The following BCAS3 variants were observed in gnomAD, a reference collection of about 807,000 sequenced individuals.
BCAS3 encodes the protein BCAS3 microtubule associated cell migration factor, also known as BCAS4/BCAS3 fusion.
In BCAS3, 53 loss-of-function variants were observed where a neutral mutation model predicts 116.1. The ratio of observed to expected loss-of-function variants is 0.46; its 90% CI spans 0.37 to 0.57. The LOEUF (loss-of-function observed/expected upper bound fraction) is 0.57. BCAS3 is among the 20% of genes least tolerant of loss of function. The pLI, the probability that BCAS3 is intolerant of heterozygous loss-of-function variation, is 0.00. For missense variants in BCAS3, 917 were observed against 1,165.4 expected, an observed-to-expected ratio of 0.79 and a Z score of 3.10; for synonymous variants, 391 against 408.2, an observed-to-expected ratio of 0.96 and a Z score of 0.51.
At chr17:61,295,410 C>T (rs1201529047) in intron 22 of BCAS3, among the ~76,000 whole-genome samples, 1 of 152,224 alleles carries the variant, frequency 6.6e-6, no homozygotes, top group African/African-American at 2.4e-5. Flanking sequence ...CTGTCTCTGA[C>T]ACTAAATGCC....
At chr17:61,266,581 A>G (rs2049735290) in intron 22 of BCAS3, among the ~76,000 whole-genome samples, 1 of 152,186 alleles carries the variant, frequency 6.6e-6, no homozygotes, top group Non-Finnish European at 1.5e-5. Flanking sequence ...GAGGCTTAGG[A>G]AAATTTTCCT....
At position 61,156,397 on chromosome 17, in the gene BCAS3, G is replaced by A. The variant is rs1278579243; in HGVS notation, c.2425+71833G>A. On this transcript the variant is annotated intron_variant, in intron 22 of 23. Transcript: ENST00000407086. The surrounding 1 kb of genome is among the most constrained non-coding windows in gnomAD (Gnocchi z 4.7). Reference sequence around the variant, plus strand: ...TTGTTTTATCTTGTTTCTTTTGGGGGAAACTTAGAGTAATATTTGGTCTGC... The same window carrying A: ...TTGTTTTATCTTGTTTCTTTTGGGGAAAACTTAGAGTAATATTTGGTCTGC... 6.6e-6 allele frequency among the ~76,000 whole-genome samples: 1 copy of A among 152,074 alleles called. No homozygotes were observed. Among genetic ancestry groups the A allele is most frequent in the Admixed American group, 6.6e-5 (1 of 15,266 alleles).
chr17:61,133,969 A>T (rs868431631), intron 22 of BCAS3, among the ~76,000 whole-genome samples: 1 of 152,074 alleles, frequency 6.6e-6, no homozygotes, highest in Non-Finnish European at 1.5e-5. Context: ...TGATTTTCAC[A>T]TATGTGTTCC....
intron 6 of BCAS3, among the ~76,000 whole-genome samples, chr17:60,764,988 T>C (rs1437670144): frequency 6.6e-6 from 1 of 152,274 alleles, no homozygotes; most frequent in African/African-American, 2.4e-5. Flanking sequence ...TTAAAGTCTG[T>C]TTTATCAGAG....
intron 12 of BCAS3, 134 bp from the exon 13 acceptor site, chr17:60,924,273 A>G (rs1366267329): frequency 2.9e-6 from 2 of 685,750 alleles, no homozygotes; most frequent in East Asian, 5.2e-5. Flanking sequence ...CTCTCCTTAT[A>G]TTGGCAAGAA....
intron 22 of BCAS3, among the ~76,000 whole-genome samples, chr17:61,218,788 A>G (rs943648195): frequency 6.6e-6 from 1 of 152,216 alleles, no homozygotes; most frequent in African/African-American, 2.4e-5. Context: ...ACATTTGCCT[A>G]GGTCCCAGCT....
chr17:61,147,374 C>A (rs560975526), intron 22 of BCAS3, among the ~76,000 whole-genome samples: 29 of 152,180 alleles, frequency 1.9e-4, no homozygotes, highest in African/African-American at 6.5e-4. Context: ...CCGCACCCGG[C>A]CATACCTGGC....
intron 22 of BCAS3, among the ~76,000 whole-genome samples, chr17:61,246,860 A>G (rs1421002552): frequency 2.6e-5 from 4 of 151,414 alleles, no homozygotes; most frequent in East Asian, 1.9e-4. Flanking sequence ...TGACAAAGCA[A>G]TCATGATGTT....
intron 22 of BCAS3, among the ~76,000 whole-genome samples, chr17:61,338,354 T>C (rs1256226119): frequency 6.6e-6 from 1 of 152,228 alleles, no homozygotes; most frequent in Non-Finnish European, 1.5e-5. Flanking sequence ...AAGGACATAC[T>C]TAACTGCCAA....
In BCAS3 at chr17:61,106,122, A is replaced by T. The variant is rs184350384; in HGVS notation, c.2425+21558A>T. Among the ~76,000 whole-genome samples the T allele has an allele frequency of 1.4e-4, 21 of 152,312 alleles. No individual in the cohort carries two copies. The highest frequency in any genetic ancestry group is 6.8e-3 in the Middle Eastern group (2 of 294). ...CCAAAGCACAAGGGTTGATGCTGGC[A>T]TATTGTTATAATTGTTCTATTTTAT... On this transcript the variant is annotated intron_variant, in intron 22 of 23. Transcript: ENST00000407086. This position sits in a 1 kb window ranked among gnomAD's most constrained non-coding sequence, Gnocchi z 4.2.
chr17:61,047,953 G>T (rs868152105), intron 19 of BCAS3, among the ~76,000 whole-genome samples: 1 of 151,956 alleles, frequency 6.6e-6, no homozygotes, highest in African/African-American at 2.4e-5. Flanking sequence ...TGTGTGAAAA[G>T]TTCCTCTGTA....
chr17:61,120,583 T>A (rs2075735135), intron 22 of BCAS3, among the ~76,000 whole-genome samples: 1 of 152,148 alleles, frequency 6.6e-6, no homozygotes, highest in South Asian at 2.1e-4. Context: ...CAGGTAGTTT[T>A]GACACTTAGC....
chr17:61,143,197 C>G (rs887743251), intron 22 of BCAS3, among the ~76,000 whole-genome samples: 1 of 152,060 alleles, frequency 6.6e-6, no homozygotes, highest in African/African-American at 2.4e-5. Flanking sequence ...AAAAACATTG[C>G]TAGGATGTAC....
chr17:61,100,270 G>A (rs1310583876), intron 22 of BCAS3, among the ~76,000 whole-genome samples: 4 of 152,140 alleles, frequency 2.6e-5, no homozygotes, highest in Non-Finnish European at 5.9e-5. Context: ...AGAGGAAATA[G>A]CGAACCCTAT....
chr17:61,069,262 T>C (rs1049645056), intron 19 of BCAS3, among the ~76,000 whole-genome samples: 2 of 151,898 alleles, frequency 1.3e-5, no homozygotes, highest in Non-Finnish European at 2.9e-5. Context: ...CCAGCCTGGG[T>C]TTGCGATAGG....
Position 60,902,831 on chromosome 17 carries a change from T to G in BCAS3, c.822+128T>G, listed in dbSNP as rs2057984061. On this transcript the variant is annotated intron_variant, in intron 11 of 23. Transcript: ENST00000407086. The stretch of plus-strand genomic sequence containing the variant: ...CTTATCCAATTTTAAAGATTTTAAG[T>G]CTGTTAACTAGCTTCAAGACTGTTA... The G allele has an allele frequency of 6.9e-6, 5 of 722,922 alleles. No individual in the cohort carries two copies. In the East Asian group the frequency reaches 1.3e-4, roughly 19 times the overall value. 44.8% of individuals were successfully genotyped at this position (722,922 alleles called of 1,614,324 possible). A position where few individuals can be genotyped will look rare whatever the true frequency, so the allele number is the denominator to read the frequency against.
intron 9 of BCAS3, among the ~76,000 whole-genome samples, chr17:60,877,824 T>G (rs976365888): frequency 6.6e-6 from 1 of 152,202 alleles, no homozygotes; most frequent in Admixed American, 6.5e-5. Flanking sequence ...GCATACTGGC[T>G]GTCATGGGTT....
rs1006397432 is a variant in BCAS3 at position 61,258,883 on chromosome 17, G to A, written c.2426-109444G>A. ...TAATTCCCCAAGATAAGATTTTACC[G>A]TCCCTCTTAATTTTATTAATCCATT... is the stretch of plus-strand genomic sequence containing the variant. On this transcript the variant is annotated intron_variant, in intron 22 of 23. Coordinates refer to ENST00000407086, the MANE Select transcript of BCAS3 (RefSeq NM_017679.5). This position sits in a 1 kb window ranked among gnomAD's most constrained non-coding sequence, Gnocchi z 4.7. Among the ~76,000 whole-genome samples the A allele has an allele frequency of 1.2e-4, 19 of 152,138 alleles. No homozygotes were observed. Among genetic ancestry groups the A allele is most frequent in the African/African-American group, 2.7e-4 (11 of 41,434 alleles).
chr17:60,878,858 A>G (rs963206665), intron 9 of BCAS3, among the ~76,000 whole-genome samples: 1 of 152,168 alleles, frequency 6.6e-6, no homozygotes, highest in African/African-American at 2.4e-5. Context: ...GCTTCCTCTA[A>G]AGTGATTTAT....
Sources: allele counts gnomAD v4.1 joint callset (sites outside exome capture counted in the v4.1 genomes callset), GRCh38; gene constraint gnomAD v4.1.1; non-coding constraint Gnocchi (gnomAD v3.1); transcripts MANE v1.5; gene names NCBI Gene and HGNC (gene_info 2026-07-23, HGNC 2026-07-21).